DGKB: variants seen among roughly 807,000 people sequenced by gnomAD.
DGKB encodes the protein diacylglycerol kinase beta, also known as 90 kDa diacylglycerol kinase.
In DGKB, 67 loss-of-function variants were observed where a neutral mutation model predicts 114.3. The ratio of observed to expected loss-of-function variants is 0.59; its 90% confidence interval spans 0.48 to 0.72. DGKB has a LOEUF of 0.72. DGKB is among the 30% of genes least tolerant of loss of function. The probability of loss-of-function intolerance (pLI) is 0.00; values close to 1 mark genes in which losing one functional copy is unlikely to be tolerated. For missense variants in DGKB, 907 were observed against 975.2 expected, an observed-to-expected ratio of 0.93 and a Z score of 0.93; for synonymous variants, 398 against 323.1, an observed-to-expected ratio of 1.23 and a Z score of -2.49.
chr7:14,903,398 C>T, upstream of DGKB: 1 of 152,418 alleles, frequency 6.6e-6, no homozygotes, highest in Non-Finnish European at 1.5e-5. Context: ...TGTTTAACTG[C>T]TGGTCCAGTT....
intron 1 of DGKB, among the ~76,000 whole-genome samples, chr7:14,913,528 C>A (rs1049151869): frequency 6.7e-6 from 1 of 150,300 alleles, no homozygotes; most frequent in Non-Finnish European, 1.5e-5. Context: ...CCATATATTT[C>A]TCTGACATTA....
At chr7:14,957,351 G>A (rs1426701342) in intron 1 of DGKB, among the ~76,000 whole-genome samples, 1 of 151,972 alleles carries the variant, frequency 6.6e-6, no homozygotes, top group Admixed American at 6.6e-5. Flanking sequence ...TGGTACCAAT[G>A]GGAGTGATAC....
Position 14,333,015 on chromosome 7 carries a change from G to T in DGKB, c.2122+5500C>A, listed in dbSNP as rs115826887. Among the ~76,000 whole-genome samples the T allele has an allele frequency of 9.7e-3, 1,468 of 152,114 alleles. 21 individuals are homozygous for T. Among genetic ancestry groups the T allele is most frequent in the African/African-American group, 0.033 (1,382 of 41,486 alleles). On this transcript the variant is annotated intron_variant, in intron 23 of 25. Transcript: ENST00000402815. ...CCATAATTTGAATATAATTACTTTC[G>T]CTCAGTGGTTATCAAACTTTTTAAA... is the stretch of plus-strand genomic sequence containing the variant.
chr7:14,957,396 C>G (rs989705004), intron 1 of DGKB, among the ~76,000 whole-genome samples: 16 of 151,902 alleles, frequency 1.1e-4, no homozygotes, highest in Admixed American at 7.2e-4. Context: ...GAGACAGTTT[C>G]TTATGTAGCC....
At chr7:14,322,311 G>A (rs1407094963) in intron 23 of DGKB, among the ~76,000 whole-genome samples, 3 of 152,134 alleles carry the variant, frequency 2.0e-5, no homozygotes, top group African/African-American at 7.2e-5. Context: ...GACCCCTACT[G>A]TGGAATACAG....
At chr7:14,393,640 A>G (rs1169631929) in intron 21 of DGKB, among the ~76,000 whole-genome samples, 4 of 152,158 alleles carry the variant, frequency 2.6e-5, no homozygotes, top group Non-Finnish European at 5.9e-5. Context: ...AAATATTTAC[A>G]TTGCTAATTT....
At chr7:14,346,644 A>G (rs1408295616) in intron 21 of DGKB, among the ~76,000 whole-genome samples, 1 of 151,966 alleles carries the variant, frequency 6.6e-6, no homozygotes, top group Non-Finnish European at 1.5e-5. Context: ...ATGATAGTGA[A>G]GTAGGTTAGA....
rs1464803472 is a variant in DGKB at position 14,615,444 on chromosome 7, T to C, written c.1285-2031A>G. Among the ~76,000 whole-genome samples, 15 of 151,866 alleles carry C rather than the reference T, an allele frequency of 9.9e-5. 1 individual carries two copies. On this transcript the variant is annotated intron_variant, in intron 15 of 25. Transcript: ENST00000402815. Reference sequence around the variant, plus strand: ...ATTGTCAAGTAAAGGGGAATTAAAATTGTATTTTAAGTTATATACTGTTAT... The same window carrying C: ...ATTGTCAAGTAAAGGGGAATTAAAACTGTATTTTAAGTTATATACTGTTAT...
intron 20 of DGKB, among the ~76,000 whole-genome samples, chr7:14,572,902 T>C (rs1471564967): frequency 1.3e-5 from 2 of 152,178 alleles, no homozygotes; most frequent in Admixed American, 6.5e-5. Context: ...TGTGAGATTT[T>C]AGATATTTTT....
At chr7:14,714,443 G>A (rs1181497839) in intron 6 of DGKB, among the ~76,000 whole-genome samples, 1 of 151,972 alleles carries the variant, frequency 6.6e-6, no homozygotes, top group African/African-American at 2.4e-5. Context: ...CAAGTTAAGG[G>A]TTTCAATTTT....
chr7:14,491,022 AG>A (rs1784522305), intron 20 of DGKB, among the ~76,000 whole-genome samples: 2 of 151,870 alleles, frequency 1.3e-5, no homozygotes, highest in African/African-American at 4.8e-5. Context: ...TCTGAGTTTA[AG>A]GGGCTTTCTA....
chr7:14,310,880 C>A, intron 23 of DGKB, among the ~76,000 whole-genome samples: 1 of 152,136 alleles, frequency 6.6e-6, no homozygotes, highest in East Asian at 1.9e-4. Flanking sequence ...CGCCTGTAAT[C>A]CCAGCACTTT....
Position 14,146,181 on chromosome 7 carries a change from C to A in DGKB, c.*2950G>T, listed in dbSNP as rs375074445. 2 of 152,310 alleles carry A rather than the reference C, an allele frequency of 1.3e-5. No individual in the cohort carries two copies. Among genetic ancestry groups the A allele is most frequent in the South Asian group, 2.1e-4 (1 of 4,826 alleles). The allele number at this position is 152,310 out of a possible 1,614,324, so 9.4% of individuals were successfully genotyped here. On this transcript the variant is annotated 3_prime_UTR_variant, in exon 26 of 26. Coordinates refer to ENST00000402815, the MANE Select transcript of DGKB (RefSeq NM_001350709.2). Reference sequence around the variant, plus strand: ...TTTCACATGAAATACATGGTGTACACAAGGAAGTGGAAAAAATAAATTTAC... The same window carrying A: ...TTTCACATGAAATACATGGTGTACAAAAGGAAGTGGAAAAAATAAATTTAC...
At chr7:14,463,338 C>T (rs1363893021) in intron 21 of DGKB, among the ~76,000 whole-genome samples, 14 of 152,044 alleles carry the variant, frequency 9.2e-5, no homozygotes, top group South Asian at 2.1e-4. Context: ...CACATGTATA[C>T]CTATGTAACA....
At chr7:14,754,341 C>G (rs1305130830) in intron 3 of DGKB, among the ~76,000 whole-genome samples, 1 of 152,104 alleles carries the variant, frequency 6.6e-6, no homozygotes, top group Non-Finnish European at 1.5e-5. Flanking sequence ...GTAACACATA[C>G]AGTGTGATTA....
intron 1 of DGKB, among the ~76,000 whole-genome samples, chr7:14,943,227 C>T (rs1176288279): frequency 6.6e-6 from 1 of 151,792 alleles, no homozygotes; most frequent in Non-Finnish European, 1.5e-5. Flanking sequence ...AAATATTACA[C>T]ATTACTAAAG....
intron 20 of DGKB, among the ~76,000 whole-genome samples, chr7:14,560,249 G>A (rs1796457514): frequency 6.6e-6 from 1 of 151,932 alleles, no homozygotes; most frequent in African/African-American, 2.4e-5. Context: ...TCTTAACAAA[G>A]TATAAAATAC....
intron 15 of DGKB, 134 bp from the exon 16 acceptor site, chr7:14,613,547 ATG>A (rs1805962013): frequency 5.0e-6 from 3 of 595,986 alleles, no homozygotes; most frequent in Non-Finnish European, 9.1e-6. Flanking sequence ...GTGTGTGTGC[ATG>A]TGTGTGTGAG....
intron 6 of DGKB, among the ~76,000 whole-genome samples, chr7:14,717,944 AATT>A (rs1375356432): frequency 6.6e-6 from 1 of 152,188 alleles, no homozygotes; most frequent in Non-Finnish European, 1.5e-5. Context: ...TAAAGACAGT[AATT>A]ATTTACTTTC....
Sources: gnomAD v4.1 joint callset for allele counts (sites outside exome capture counted in the v4.1 genomes callset) on GRCh38, gnomAD v4.1.1 for gene constraint, MANE v1.5 for transcripts, NCBI Gene and HGNC (gene_info 2026-07-23, HGNC 2026-07-21) for gene names.